Variants in BMPER observed in about 807,000 individuals in gnomAD.
The protein encoded by BMPER is BMP binding endothelial regulator.
BMPER carries 45 observed loss-of-function variants against 87.3 expected under a neutral mutation model. That is an observed-to-expected ratio of 0.52 (90% CI 0.41 to 0.66). The LOEUF is 0.66. BMPER is among the 30% of genes least tolerant of loss of function. The pLI, the probability that BMPER is intolerant of heterozygous loss-of-function variation, is 0.00. For missense variants in BMPER, 784 were observed against 867.5 expected, an observed-to-expected ratio of 0.90 and a Z score of 1.21; for synonymous variants, 326 against 316.2, an observed-to-expected ratio of 1.03 and a Z score of -0.33.
chr7:33,974,534 G>A (rs543834992), intron 5 of BMPER, among the ~76,000 whole-genome samples, 168 bp from the exon 6 acceptor site: 5 of 152,180 alleles, frequency 3.3e-5, no homozygotes, highest in South Asian at 4.2e-4. Context: ...CATGCCCATC[G>A]TTTGCCTCTG....
intron 13 of BMPER, among the ~76,000 whole-genome samples, chr7:34,090,308 T>C (rs1789344571): frequency 6.6e-6 from 1 of 152,220 alleles, no homozygotes; most frequent in Non-Finnish European, 1.5e-5. Flanking sequence ...TATATTTGGA[T>C]TCAAATGTAG....
intron 2 of BMPER, among the ~76,000 whole-genome samples, chr7:33,920,415 G>GTTTTTT: frequency 2.3e-5 from 2 of 87,514 alleles, no homozygotes; most frequent in East Asian, 4.0e-4. Flanking sequence ...GGGAAACTCC[G>GTTTTTT]TTGTGTTTTT....
intron 2 of BMPER, among the ~76,000 whole-genome samples, chr7:33,925,696 T>A (rs1173842162): frequency 4.6e-5 from 7 of 152,174 alleles, no homozygotes. Flanking sequence ...CTTATTTTCC[T>A]GTGATATATG....
At chr7:34,070,668 G>C (rs765027319) in intron 11 of BMPER, among the ~76,000 whole-genome samples, 4 of 152,082 alleles carry the variant, frequency 2.6e-5, no homozygotes, top group Non-Finnish European at 4.4e-5. Context: ...ACAAGGTTCT[G>C]TGATTAAATA....
intron 13 of BMPER, among the ~76,000 whole-genome samples, chr7:34,093,173 G>T (rs1232097444): frequency 6.6e-6 from 1 of 152,182 alleles, no homozygotes; most frequent in African/African-American, 2.4e-5. Flanking sequence ...ACATAAGGCA[G>T]AATTGAGAGA....
rs530671529 is a variant in BMPER, at chr7:34,030,200, A to G, written c.577-16106A>G. ...TTTGGGGCATACGATCGATTACTCA[A>G]TATATAGACTTGTTTAACTAATAAT... On this transcript the variant is annotated intron_variant, in intron 6 of 14. Coordinates refer to ENST00000649409, the MANE Select transcript of BMPER (RefSeq NM_001365308.1). 5.9e-5 allele frequency among the ~76,000 whole-genome samples: 9 copies of G among 152,214 alleles called. No homozygotes were observed. The East Asian group carries it at 1.4e-3, about 23-fold the overall frequency.
At chr7:34,123,693 T>C (rs1435029887) in intron 13 of BMPER, among the ~76,000 whole-genome samples, 1 of 152,224 alleles carries the variant, frequency 6.6e-6, no homozygotes, top group African/African-American at 2.4e-5. Flanking sequence ...CATCTTTCTT[T>C]CCCTTAACTT....
intron 12 of BMPER, among the ~76,000 whole-genome samples, chr7:34,080,205 G>A (rs146989373): frequency 0.011 from 1,616 of 152,198 alleles, 17 homozygotes; most frequent in South Asian, 0.025. Flanking sequence ...TTGGATTCCC[G>A]TTTCTTTAGA....
rs188936174 is a variant in BMPER, at chr7:33,995,697, G to A, written c.576+20913G>A. ...TTGGTTCCATGAGGCCTGTGCAGAT[G>A]TTAAGGTGTTGCTTCCTTCTCTGTG... On this transcript the variant is annotated intron_variant, in intron 6 of 14. Transcript: ENST00000649409. 1.4e-4 allele frequency among the ~76,000 whole-genome samples: 21 copies of A among 152,270 alleles called. No individual in the cohort carries two copies. In the East Asian group the frequency reaches 4.1e-3, roughly 29 times the overall value.
In BMPER at chr7:34,116,881, T is replaced by C. The variant is rs143840282; in HGVS notation, c.1746-26349T>C. ...GGTGCACACCTGTAATCCCAGCTAC[T>C]TGGGAGGCTGAGGCAGGAGAATTGC... is the stretch of plus-strand genomic sequence containing the variant. On this transcript the variant is annotated intron_variant, in intron 13 of 14. Coordinates refer to ENST00000649409, the MANE Select transcript of BMPER (RefSeq NM_001365308.1). Among the ~76,000 whole-genome samples, 728 of 152,040 alleles carry C rather than the reference T, an allele frequency of 4.8e-3. 6 individuals carry two copies. Among genetic ancestry groups the C allele is most frequent in the African/African-American group, 0.016 (650 of 41,464 alleles).
chr7:33,981,808 C>T (rs1190617765), intron 6 of BMPER, among the ~76,000 whole-genome samples: 2 of 152,180 alleles, frequency 1.3e-5, no homozygotes, highest in African/African-American at 4.8e-5. Flanking sequence ...AAAAGAGATT[C>T]ATTTCAGCTG....
intron 11 of BMPER, among the ~76,000 whole-genome samples, chr7:34,066,036 C>T (rs1788579752): frequency 6.6e-6 from 1 of 152,198 alleles, no homozygotes; most frequent in Non-Finnish European, 1.5e-5. Flanking sequence ...ATTACATTGT[C>T]TGTTTCTAAA....
intron 6 of BMPER, among the ~76,000 whole-genome samples, chr7:33,997,461 G>GT (rs1476048642): frequency 1.3e-5 from 2 of 152,142 alleles, no homozygotes; most frequent in Non-Finnish European, 2.9e-5. Flanking sequence ...AGACCTGGTT[G>GT]TTCGATAGTG....
chr7:34,042,344 G>A lies in BMPER; in HGVS notation c.577-3962G>A, dbSNP rs1585768393. Among the ~76,000 whole-genome samples the A allele has an allele frequency of 2.0e-5, 3 of 152,260 alleles. No individual in the cohort carries two copies. The East Asian group carries it at 5.8e-4, about 29-fold the overall frequency. ...ATTATGACACACAAGTACAATGAAA[G>A]TTCCTAGCATTTCTTTTCTTGCTGA... On this transcript the variant is annotated intron_variant, in intron 6 of 14. Coordinates refer to ENST00000649409, the MANE Select transcript of BMPER (RefSeq NM_001365308.1).
chr7:33,963,199 A>G (rs377754727), intron 3 of BMPER, among the ~76,000 whole-genome samples: 23 of 152,202 alleles, frequency 1.5e-4, no homozygotes, highest in Admixed American at 7.2e-4. Flanking sequence ...CTAAACGTCA[A>G]CACTTGAATA....
At chr7:34,138,560 T>A (rs984154354) in intron 13 of BMPER, among the ~76,000 whole-genome samples, 2 of 152,134 alleles carry the variant, frequency 1.3e-5, no homozygotes, top group Non-Finnish European at 2.9e-5. Context: ...CTGAACCTCT[T>A]GGCTGCCAGG....
chr7:34,021,888 G>A (rs1393165262), intron 6 of BMPER, among the ~76,000 whole-genome samples: 2 of 151,958 alleles, frequency 1.3e-5, no homozygotes, highest in African/African-American at 2.4e-5. Context: ...GAAATGTAGT[G>A]GAAAACAGAG....
intron 13 of BMPER, among the ~76,000 whole-genome samples, chr7:34,142,010 T>C (rs533941503): frequency 2.6e-5 from 4 of 152,220 alleles, no homozygotes; most frequent in Admixed American, 1.3e-4. Context: ...GGCAGTGTCA[T>C]GATCACTTTT....
intron 6 of BMPER, among the ~76,000 whole-genome samples, chr7:34,021,112 T>A (rs1161307122): frequency 6.6e-6 from 1 of 152,136 alleles, no homozygotes; most frequent in Non-Finnish European, 1.5e-5. Flanking sequence ...GCAAAGTTAA[T>A]GCAAATACGA....
Sources: allele counts gnomAD v4.1 joint callset (sites outside exome capture counted in the v4.1 genomes callset), GRCh38; gene constraint gnomAD v4.1.1; transcripts MANE v1.5; gene names NCBI Gene and HGNC (gene_info 2026-07-23, HGNC 2026-07-21).